The following SKIC3 variants were observed in gnomAD, a reference collection of about 807,000 sequenced individuals.
SKIC3 encodes superkiller complex protein 3.
chr5:95,494,428 CTA>C, the SKIC3 span, among the ~76,000 whole-genome samples: 1 of 152,216 alleles, frequency 6.6e-6, no homozygotes, highest in African/African-American at 2.4e-5. Context: ...CACCTTGAAA[CTA>C]TGTAAATCTA....
the SKIC3 span, chr5:95,490,915 A>G: frequency 1.2e-6 from 2 of 1,614,154 alleles, no homozygotes; most frequent in Non-Finnish European, 1.7e-6. Flanking sequence ...TACTTGAAGC[A>G]GAAACAGCAG....
chr5:95,512,771 C>G, the SKIC3 span: 2 of 818,146 alleles, frequency 2.4e-6, no homozygotes, highest in Non-Finnish European at 3.9e-6. Context: ...TGAAGGGTCA[C>G]TATGATAAAA....
At chr5:95,492,679 A>AC in the SKIC3 span, among the ~76,000 whole-genome samples, 1 of 136,272 alleles carries the variant, frequency 7.3e-6, no homozygotes, top group Non-Finnish European at 1.6e-5. Context: ...AAAAAAAAAA[A>AC]AAAAAAAAAA....
At chr5:95,482,293 C>T in the SKIC3 span, among the ~76,000 whole-genome samples, 1 of 152,114 alleles carries the variant, frequency 6.6e-6, no homozygotes, top group Non-Finnish European at 1.5e-5. Context: ...TGTAGCAGAT[C>T]CAAAACTAGT....
chr5:95,480,743 C>T, the SKIC3 span, among the ~76,000 whole-genome samples: 1 of 152,172 alleles, frequency 6.6e-6, no homozygotes, highest in South Asian at 2.1e-4. Flanking sequence ...CACCCAAATG[C>T]CCATCAACAG....
chr5:95,478,435 G>A, the SKIC3 span: 1 of 1,612,482 alleles, frequency 6.2e-7, no homozygotes, highest in Admixed American at 1.7e-5. Flanking sequence ...ATACACATGT[G>A]CCAGCCACTA....
the SKIC3 span, chr5:95,514,927 G>T: frequency 6.2e-7 from 1 of 1,611,420 alleles, no homozygotes; most frequent in East Asian, 2.2e-5. Flanking sequence ...GAGCTTGCTA[G>T]GAAAAAAAGG....
At chr5:95,537,668 C>T in the SKIC3 span, among the ~76,000 whole-genome samples, 1 of 152,098 alleles carries the variant, frequency 6.6e-6, no homozygotes, top group Non-Finnish European at 1.5e-5. Flanking sequence ...AACATTCCAT[C>T]ACTTCTCTTA....
the SKIC3 span, chr5:95,520,812 C>T: frequency 7.5e-6 from 12 of 1,610,534 alleles, no homozygotes; most frequent in South Asian, 1.3e-4. Flanking sequence ...ATGGCATTCA[C>T]CCAAACCTAA....
At chr5:95,544,013 G>A in the SKIC3 span, among the ~76,000 whole-genome samples, 2 of 152,138 alleles carry the variant, frequency 1.3e-5, no homozygotes, top group South Asian at 4.1e-4. Flanking sequence ...AGCCTCTTAA[G>A]GTTTTACATT....
chr5:95,540,993 T>C, the SKIC3 span, among the ~76,000 whole-genome samples: 38 of 151,724 alleles, frequency 2.5e-4, no homozygotes, highest in African/African-American at 9.0e-4. Flanking sequence ...TGAGACGGAG[T>C]TTTGCTCTTG....
At chr5:95,464,924 CTTTTTTTTTT>C in the SKIC3 span, among the ~76,000 whole-genome samples, 3 of 106,994 alleles carry the variant, frequency 2.8e-5, no homozygotes, top group Admixed American at 2.2e-4. Context: ...ATTCTGATTG[CTTTTTTTTTT>C]TTTTTTTTTG....
chr5:95,495,703 T>C, the SKIC3 span, among the ~76,000 whole-genome samples: 9 of 152,280 alleles, frequency 5.9e-5, no homozygotes, highest in African/African-American at 2.2e-4. Flanking sequence ...ACCCTGCTGA[T>C]CAAACTGTGG....
the SKIC3 span, among the ~76,000 whole-genome samples, chr5:95,510,588 C>T: frequency 5.3e-5 from 8 of 152,152 alleles, no homozygotes; most frequent in Non-Finnish European, 1.2e-4. Flanking sequence ...TCTTGTGGCC[C>T]CCACCCAGGA....
chr5:95,541,663 T>G, the SKIC3 span: 2 of 676,980 alleles, frequency 3.0e-6, no homozygotes, highest in Non-Finnish European at 4.9e-6. Flanking sequence ...TTGATTCTAT[T>G]TTAATCACAA....
the SKIC3 span, among the ~76,000 whole-genome samples, chr5:95,526,340 T>C: frequency 2.0e-5 from 3 of 152,152 alleles, no homozygotes; most frequent in Admixed American, 6.6e-5. Flanking sequence ...AAACGTATTC[T>C]CAAGGTGTTT....
the SKIC3 span, chr5:95,530,109 GCAT>G: frequency 6.2e-7 from 1 of 1,613,328 alleles, no homozygotes; most frequent in Non-Finnish European, 8.5e-7. Context: ...GTTCCTAACA[GCAT>G]CTTCATACTT....
chr5:95,525,017 G>A, the SKIC3 span, among the ~76,000 whole-genome samples: 6 of 152,232 alleles, frequency 3.9e-5, no homozygotes, highest in Non-Finnish European at 5.9e-5. Context: ...CTGAGAAGCA[G>A]GGACTACAGG....
At chr5:95,490,399 TA>T in the SKIC3 span, among the ~76,000 whole-genome samples, 1 of 148,006 alleles carries the variant, frequency 6.8e-6, no homozygotes, top group African/African-American at 2.5e-5. Flanking sequence ...TTTTAATGAA[TA>T]TATATATATA....
Sources: allele counts gnomAD v4.1 joint callset (sites outside exome capture counted in the v4.1 genomes callset), GRCh38; gene constraint gnomAD v4.1.1; transcripts MANE v1.5; gene names NCBI Gene and HGNC (gene_info 2026-07-23, HGNC 2026-07-21).